Variants in KLHL5 observed in about 807,000 individuals in gnomAD.
KLHL5 encodes kelch like family member 5, also known as kelch-like protein 5.
In KLHL5, 48 loss-of-function variants were observed where a neutral mutation model predicts 77.7. The ratio of observed to expected loss-of-function variants is 0.62; its 90% CI spans 0.49 to 0.79. The LOEUF is 0.79. Ranked by LOEUF, KLHL5 falls within the 30% of genes least tolerant of loss-of-function variation. The probability of loss-of-function intolerance (pLI) is 0.00; values close to 1 mark genes in which losing one functional copy is unlikely to be tolerated. For missense variants in KLHL5, 723 were observed against 859.7 expected (o/e 0.84, Z 1.99); for synonymous variants, 260 against 297.0 (o/e 0.88, Z 1.28).
intron 1 of KLHL5, among the ~76,000 whole-genome samples, chr4:39,048,941 G>A (rs1179309046): frequency 2.0e-5 from 3 of 151,890 alleles, no homozygotes; most frequent in Admixed American, 1.3e-4. Flanking sequence ...CGCGCCTGGT[G>A]TACATTGGCT....
downstream of KLHL5, among the ~76,000 whole-genome samples, chr4:39,127,652 A>G (rs1008863875): frequency 6.6e-6 from 1 of 151,760 alleles, no homozygotes. Flanking sequence ...TTTTGTAGAG[A>G]CAGGATCTCA....
chr4:39,125,441 C>G lies in KLHL5; in HGVS notation c.*4375C>G, dbSNP rs1356588763. On this transcript the variant is annotated 3_prime_UTR_variant, in exon 11 of 11. Transcript: ENST00000504108. The stretch of plus-strand genomic sequence containing the variant: ...AGTAGCCAAAAAAGAGGAAACAACC[C>G]AAATGGCCATCAGCTGATGAATGAA... 6.6e-6 allele frequency among the ~76,000 whole-genome samples: 1 copy of G among 152,102 alleles called. No homozygotes were observed. The highest frequency in any genetic ancestry group is 1.5e-5 in the Non-Finnish European group (1 of 68,008).
At position 39,063,633 on chromosome 4, in the gene KLHL5, C is replaced by T. The variant is rs1717626521; in HGVS notation, c.383+598C>T. ...TCTCTAAGATGACAGCTACTAATTCCTGTTACCTTCACTTTCACTGAAATG... is the reference window on the plus strand; with the variant it reads ...TCTCTAAGATGACAGCTACTAATTCTTGTTACCTTCACTTTCACTGAAATG... On this transcript the variant is annotated intron_variant, in intron 1 of 10. Coordinates refer to ENST00000504108, the MANE Select transcript of KLHL5 (RefSeq NM_015990.5). 1.6e-5 allele frequency: 7 copies of T among 425,908 alleles called. 1 individual carries two copies. The highest frequency in any genetic ancestry group is 1.2e-4 in the South Asian group (7 of 59,090). 26.4% of individuals were successfully genotyped at this position (425,908 alleles called of 1,614,324 possible). A position where few individuals can be genotyped will look rare whatever the true frequency, so the allele number is the denominator to read the frequency against.
intron 2 of KLHL5, among the ~76,000 whole-genome samples, chr4:39,077,694 T>TAAAAAAAAAA (rs60744492): frequency 2.3e-5 from 3 of 128,602 alleles, no homozygotes; most frequent in African/African-American, 5.7e-5. Context: ...GAACTAAAGG[T>TAAAAAAAAAA]AAAAAAAAAA....
At chr4:39,130,062 G>GGA (rs1199700756), downstream of KLHL5, among the ~76,000 whole-genome samples, 4 of 152,140 alleles carry the variant, frequency 2.6e-5, no homozygotes, top group Admixed American at 2.6e-4. Context: ...GCTCGGTCGG[G>GGA]GAGACCCTAA....
chr4:39,054,946 A>G (rs1716906801), intron 1 of KLHL5, among the ~76,000 whole-genome samples: 1 of 152,234 alleles, frequency 6.6e-6, no homozygotes, highest in Admixed American at 6.5e-5. Context: ...TATACTTGTT[A>G]TAGTAATTAT....
chr4:39,096,618 A>T, intron 5 of KLHL5, 74 bp from the exon 6 acceptor site: 2 of 1,016,512 alleles, frequency 2.0e-6, no homozygotes, highest in Non-Finnish European at 2.9e-6. Context: ...CCATTTGAGA[A>T]CTATGTCATT....
intron 5 of KLHL5, among the ~76,000 whole-genome samples, chr4:39,092,843 T>C (rs754232915): frequency 6.6e-5 from 10 of 152,204 alleles, no homozygotes; most frequent in Non-Finnish European, 1.0e-4. Flanking sequence ...ATGGCTAAAA[T>C]AGAGACAAAC....
chr4:39,100,110 T>C (rs1361681144), intron 6 of KLHL5, among the ~76,000 whole-genome samples: 1 of 152,200 alleles, frequency 6.6e-6, no homozygotes, highest in East Asian at 1.9e-4. Context: ...AACTCAAACT[T>C]GGTACATGGA....
intron 10 of KLHL5, among the ~76,000 whole-genome samples, chr4:39,118,125 AATG>A (rs1427086810): frequency 6.7e-6 from 1 of 150,138 alleles, no homozygotes; most frequent in African/African-American, 2.4e-5. Flanking sequence ...GCAGTTTTTA[AATG>A]ATGATGATAG....
Position 39,115,337 on chromosome 4 carries a change from C to T in KLHL5, c.2073+7C>T, listed in dbSNP as rs768043752. Reference sequence around the variant, plus strand: ...GACAAATGAGTGGACCCAGGTATGGCATTCATGTTTCATTATTACACTGAC... The same window carrying T: ...GACAAATGAGTGGACCCAGGTATGGTATTCATGTTTCATTATTACACTGAC... On this transcript the variant is annotated splice_region_variant and intron_variant, in intron 10 of 10. Transcript: ENST00000504108. 1.2e-6 allele frequency: 2 copies of T among 1,613,510 alleles called. No homozygotes were observed. The highest frequency in any genetic ancestry group is 1.7e-6 in the Non-Finnish European group (2 of 1,179,690).
At chr4:39,049,772 G>A (rs1281890115) in intron 1 of KLHL5, among the ~76,000 whole-genome samples, 3 of 151,778 alleles carry the variant, frequency 2.0e-5, no homozygotes, top group African/African-American at 4.8e-5. Flanking sequence ...GGCCTGTGAG[G>A]ATAAAAAGAT....
At chr4:39,095,290 TG>T (rs1720954539) in intron 5 of KLHL5, among the ~76,000 whole-genome samples, 1 of 152,172 alleles carries the variant, frequency 6.6e-6, no homozygotes, top group Non-Finnish European at 1.5e-5. Flanking sequence ...CACTTATTCC[TG>T]GCAGGAATGT....
chr4:39,045,199 C>G, intron 1 of KLHL5: 1 of 978,770 alleles, frequency 1.0e-6, no homozygotes, highest in Non-Finnish European at 1.2e-6. Context: ...CCTCCCGGAG[C>G]GCGCGGGGCG....
the KLHL5 span, among the ~76,000 whole-genome samples, chr4:39,132,810 C>T: frequency 6.6e-6 from 1 of 152,126 alleles, no homozygotes; most frequent in Non-Finnish European, 1.5e-5. Context: ...AATGCTAAAA[C>T]GTGTTCATTT....
chr4:39,136,625 C>A, the KLHL5 span, among the ~76,000 whole-genome samples: 1 of 152,082 alleles, frequency 6.6e-6, no homozygotes, highest in African/African-American at 2.4e-5. Context: ...GGTCTCAGAC[C>A]CCCATCAGAG....
chr4:39,092,534 A>T (rs1258268720), intron 5 of KLHL5, among the ~76,000 whole-genome samples: 1 of 152,214 alleles, frequency 6.6e-6, no homozygotes, highest in Non-Finnish European at 1.5e-5. Flanking sequence ...TAATGAGCCA[A>T]CTTTATGCAT....
rs138134831 is a variant in KLHL5, at chr4:39,088,093, T to G, written c.1113+1366T>G. 9.4e-4 allele frequency among the ~76,000 whole-genome samples: 143 copies of G among 152,346 alleles called. 1 individual carries two copies. Among genetic ancestry groups the G allele is most frequent in the African/African-American group, 3.2e-3 (132 of 41,586 alleles). On this transcript the variant is annotated intron_variant, in intron 5 of 10. Transcript: ENST00000504108. ...TACATTTTTACTGCTACTTAGCAGA[T>G]TTTTAAAAATTCTTTCTAGATGAAA... is the stretch of plus-strand genomic sequence containing the variant.
At chr4:39,117,542 G>A (rs9998867) in intron 10 of KLHL5, among the ~76,000 whole-genome samples, 80,115 of 151,912 alleles carry the variant, frequency 0.53, 21,698 homozygotes, top group Non-Finnish European at 0.6. Context: ...GATATTGCCA[G>A]GTCTTGTTGA....
Sources: gnomAD v4.1 joint callset for allele counts (sites outside exome capture counted in the v4.1 genomes callset) on GRCh38, gnomAD v4.1.1 for gene constraint, MANE v1.5 for transcripts, NCBI Gene and HGNC (gene_info 2026-07-23, HGNC 2026-07-21) for gene names.